The following ZSCAN25 variants were observed in gnomAD, a reference collection of about 807,000 sequenced individuals.
ZSCAN25 encodes the protein zinc finger and SCAN domain containing 25, also known as zinc finger and SCAN domain-containing protein 25.
ZSCAN25 carries 27 observed loss-of-function variants against 38.7 expected under a neutral mutation model. The ratio of observed to expected loss-of-function variants is 0.70; its 90% CI spans 0.51 to 0.96. The LOEUF (loss-of-function observed/expected upper bound fraction) is 0.96. Among genes scored for constraint, ZSCAN25 ranks in the 40% least tolerant of loss-of-function variants. ZSCAN25 has a pLI of 0.00. For missense variants in ZSCAN25, 637 were observed against 705.9 expected, an observed-to-expected ratio of 0.90 and a Z score of 1.11; for synonymous variants, 273 against 277.7, an observed-to-expected ratio of 0.98 and a Z score of 0.17.
chr7:99,645,849 GTTGGATGTATAGT>G, the ZSCAN25 span, among the ~76,000 whole-genome samples: 1 of 151,770 alleles, frequency 6.6e-6, no homozygotes, highest in Non-Finnish European at 1.5e-5. Context: ...TTAGACCTTT[GTTGGATGTATAGT>G]TTGCATTTCT....
chr7:99,623,049 A>G (rs183232618), intron 6 of ZSCAN25, among the ~76,000 whole-genome samples: 238 of 152,100 alleles, frequency 1.6e-3, no homozygotes, highest in African/African-American at 5.4e-3. Context: ...CTTGTGATCC[A>G]CCCACTTCGG....
the ZSCAN25 span, chr7:99,672,869 A>G: frequency 7.1e-7 from 1 of 1,401,512 alleles, no homozygotes; most frequent in African/African-American, 1.4e-5. Flanking sequence ...GAGCCACCCA[A>G]GGCTTCATAT....
At chr7:99,714,595 A>G in the ZSCAN25 span, 1 of 1,613,350 alleles carries the variant, frequency 6.2e-7, no homozygotes, top group East Asian at 2.2e-5. Flanking sequence ...TATCTGTTTT[A>G]CAGATTTTGT....
At chr7:99,685,355 C>T in the ZSCAN25 span, 1 of 1,342,252 alleles carries the variant, frequency 7.5e-7, no homozygotes, top group African/African-American at 1.5e-5. Flanking sequence ...CCATTACAAA[C>T]TATGTGGAAA....
chr7:99,711,531 G>C, the ZSCAN25 span, among the ~76,000 whole-genome samples: 6 of 152,292 alleles, frequency 3.9e-5, no homozygotes, highest in African/African-American at 1.4e-4. Context: ...CACTTTGGGA[G>C]GCCAAGGTGG....
the ZSCAN25 span, chr7:99,676,593 A>T: frequency 7.4e-7 from 1 of 1,344,880 alleles, no homozygotes; most frequent in Non-Finnish European, 9.9e-7. Context: ...AGAAAGAGTA[A>T]GATTTTTTTT....
rs746152017 is a variant in ZSCAN25, at chr7:99,629,564, C to G, written c.1179C>G (p.His393Gln). Residue 393 changes from histidine (H) to glutamine (Q), a missense_variant, in exon 8 of 8, where the codon CAC becomes CAG. Coordinates refer to ENST00000394152, the MANE Select transcript of ZSCAN25 (RefSeq NM_145115.3). This position sits in a 1 kb window ranked among gnomAD's most constrained non-coding sequence, Gnocchi z 5.6. ...CCCTGAGAGAATACCTGATGAAGCA[C>G]CAGAGAACCCACCTGGGAAAGAGGC... ...GFTLREYLMKHQRTHLGKRPY... is the reference protein window; with the variant it reads ...GFTLREYLMKQQRTHLGKRPY... 3.1e-6 allele frequency: 5 copies of G among 1,614,172 alleles called. No individual in the cohort carries two copies. The highest frequency in any genetic ancestry group is 4.2e-6 in the Non-Finnish European group (5 of 1,180,032).
the ZSCAN25 span, among the ~76,000 whole-genome samples, chr7:99,708,466 C>T: frequency 6.6e-6 from 1 of 151,666 alleles, no homozygotes; most frequent in Non-Finnish European, 1.5e-5. Flanking sequence ...TTGTCTTACC[C>T]CTCCTTCTCT....
chr7:99,723,611 C>T, the ZSCAN25 span, among the ~76,000 whole-genome samples: 7 of 152,132 alleles, frequency 4.6e-5, no homozygotes, highest in South Asian at 2.1e-4. Flanking sequence ...GGGACTCCTT[C>T]GGGAGTCCCA....
chr7:99,664,172 A>G, the ZSCAN25 span: 14 of 1,171,954 alleles, frequency 1.2e-5, no homozygotes, highest in Non-Finnish European at 1.7e-5. Flanking sequence ...AATTTTCTCT[A>G]CCAGTAATAA....
the ZSCAN25 span, chr7:99,705,396 G>T: frequency 7.7e-7 from 1 of 1,292,290 alleles, no homozygotes; most frequent in Non-Finnish European, 1.1e-6. Context: ...CACATTGGAT[G>T]AAGCCCGTCT....
chr7:99,689,130 A>T, the ZSCAN25 span, among the ~76,000 whole-genome samples: 2 of 152,246 alleles, frequency 1.3e-5, no homozygotes, highest in Admixed American at 1.3e-4. Flanking sequence ...GAGCAAACAC[A>T]TTCAGAAGCT....
At chr7:99,634,584 T>C (rs1056009219), downstream of ZSCAN25, among the ~76,000 whole-genome samples, 3 of 152,128 alleles carry the variant, frequency 2.0e-5, no homozygotes, top group Non-Finnish European at 2.9e-5. Context: ...GGTCAGGAGA[T>C]TGAGACCATC....
chr7:99,617,578 C>G (rs1447816424), intron 1 of ZSCAN25, among the ~76,000 whole-genome samples: 1 of 152,066 alleles, frequency 6.6e-6, no homozygotes, highest in Non-Finnish European at 1.5e-5. Context: ...GAGACCCTGT[C>G]TCTACAAAAA....
the ZSCAN25 span, chr7:99,710,968 A>G: frequency 6.2e-7 from 1 of 1,608,642 alleles, no homozygotes; most frequent in East Asian, 2.2e-5. Context: ...AAGAAATCTA[A>G]GTGGAACCTT....
chr7:99,632,152 C>A lies in ZSCAN25; in HGVS notation c.*2132C>A. The stretch of plus-strand genomic sequence containing the variant: ...AAGGAGCTGGGCCTTGCTGACTTTC[C>A]TATCTGGCCTCTTCCCTATCTCCTG... On this transcript the variant is annotated 3_prime_UTR_variant, in exon 8 of 8. Coordinates refer to ENST00000394152, the MANE Select transcript of ZSCAN25 (RefSeq NM_145115.3). 1 of 985,430 alleles carries A rather than the reference C, an allele frequency of 1.0e-6. No individual in the cohort carries two copies. The highest frequency in any genetic ancestry group is 1.2e-6 in the Non-Finnish European group (1 of 829,924). 61.0% of individuals were successfully genotyped at this position (985,430 alleles called of 1,614,324 possible). A position where few individuals can be genotyped will look rare whatever the true frequency, so the allele number is the denominator to read the frequency against.
At chr7:99,691,065 T>C in the ZSCAN25 span, among the ~76,000 whole-genome samples, 1 of 152,106 alleles carries the variant, frequency 6.6e-6, no homozygotes, top group African/African-American at 2.4e-5. Context: ...AACGATAGAC[T>C]GGATTAAGAA....
Position 99,629,621 on chromosome 7 carries a change from C to T in ZSCAN25, c.1236C>T (p.Phe412=). The part of the protein sequence containing the change: ...PYVCSECWKT[F]SQRHHLEVHQ... ...TGTGCAGCGAGTGCTGGAAAACCTTCAGCCAGAGACACCACCTGGAGGTGC... is the reference window on the plus strand; with the variant it reads ...TGTGCAGCGAGTGCTGGAAAACCTTTAGCCAGAGACACCACCTGGAGGTGC... The change falls in exon 8 of 8, where the codon TTC becomes TTT. Residue 412 remains phenylalanine, a synonymous_variant. Coordinates refer to ENST00000394152, the MANE Select transcript of ZSCAN25 (RefSeq NM_145115.3). This position sits in a 1 kb window ranked among gnomAD's most constrained non-coding sequence, Gnocchi z 5.6. The T allele has an allele frequency of 1.2e-6, 2 of 1,614,124 alleles. No individual in the cohort carries two copies. The highest frequency in any genetic ancestry group is 1.3e-5 in the African/African-American group (1 of 75,054).
the ZSCAN25 span, among the ~76,000 whole-genome samples, chr7:99,664,765 C>T: frequency 6.6e-6 from 1 of 152,146 alleles, no homozygotes; most frequent in African/African-American, 2.4e-5. Flanking sequence ...CACCACAAAA[C>T]ACTAAAAGAA....
Sources: gnomAD v4.1 joint callset for allele counts (sites outside exome capture counted in the v4.1 genomes callset) on GRCh38, gnomAD v4.1.1 for gene constraint, Gnocchi (gnomAD v3.1) non-coding constraint, MANE v1.5 for transcripts, NCBI Gene and HGNC (gene_info 2026-07-23, HGNC 2026-07-21) for gene names.